TBX19: variants seen among roughly 807,000 people sequenced by gnomAD.
TBX19 encodes the protein T-box transcription factor 19.
TBX19 carries 33 observed loss-of-function variants against 40.9 expected under a neutral mutation model. The ratio of observed to expected loss-of-function variants is 0.81; its 90% CI spans 0.61 to 1.08. The LOEUF (loss-of-function observed/expected upper bound fraction) is 1.08, where lower values mean the gene tolerates loss of function less well. Ranked by LOEUF, TBX19 falls within the 50% of genes least tolerant of loss-of-function variation. TBX19 has a pLI of 0.00. For synonymous variants in TBX19, 220 were observed against 225.0 expected (o/e 0.98, Z 0.20); for missense variants, 494 against 574.0 (o/e 0.86, Z 1.42).
intron 3 of TBX19, 63 bp downstream of exon 3, chr1:168,293,341 A>T: frequency 2.0e-6 from 3 of 1,517,920 alleles, no homozygotes; most frequent in Non-Finnish European, 2.7e-6. Flanking sequence ...GTCACCTGGG[A>T]GATCATGGCA....
intron 7 of TBX19, among the ~76,000 whole-genome samples, chr1:168,312,360 C>T (rs1355075638): frequency 1.3e-5 from 2 of 152,178 alleles, no homozygotes; most frequent in African/African-American, 4.8e-5. Flanking sequence ...AGATCATATG[C>T]AGAAATCATA....
intron 5 of TBX19, among the ~76,000 whole-genome samples, chr1:168,303,244 A>G (rs539878687): frequency 1.3e-5 from 2 of 152,006 alleles, no homozygotes; most frequent in Admixed American, 6.5e-5. Flanking sequence ...TCCTGTGTCC[A>G]TGTGCTCTCA....
intron 1 of TBX19, among the ~76,000 whole-genome samples, chr1:168,285,279 AC>A (rs1200716142): frequency 3.8e-4 from 58 of 150,904 alleles, no homozygotes; most frequent in Non-Finnish European, 6.4e-4. Context: ...ACACACACAC[AC>A]ACACACACAC....
intron 5 of TBX19, 53 bp downstream of exon 5, chr1:168,300,536 G>C: frequency 3.9e-6 from 6 of 1,538,678 alleles, no homozygotes; most frequent in Middle Eastern, 1.7e-4. Flanking sequence ...CCTGGAGCCA[G>C]CTCCTTCCAC....
chr1:168,297,607 TG>T, intron 3 of TBX19, 116 bp from the exon 4 acceptor site: 1 of 903,298 alleles, frequency 1.1e-6, no homozygotes, highest in Non-Finnish European at 1.8e-6. Flanking sequence ...CCATCGTGCC[TG>T]GTGGGAAAGG....
Position 168,308,801 on chromosome 1 carries a change from A to G in TBX19, c.976A>G (p.Thr326Ala), listed in dbSNP as rs1649462992. The change falls in exon 7 of 8, where the codon ACT (threonine) becomes GCT (alanine). Residue 326 changes from threonine to alanine, a missense_variant. Coordinates refer to ENST00000367821, the MANE Select transcript of TBX19 (RefSeq NM_005149.3). ...LQVFSGPDSWTSLSSTPHASI... is the reference protein window; with the variant it reads ...LQVFSGPDSWASLSSTPHASI... The stretch of plus-strand genomic sequence containing the variant: ...AGTTTTCTCGGGACCTGACAGCTGG[A>G]CTTCCTTATCCTCCACACCCCATGC... The G allele has an allele frequency of 1.2e-6, 2 of 1,614,092 alleles. No individual in the cohort carries two copies. The highest frequency in any genetic ancestry group is 2.2e-5 in the East Asian group (1 of 44,866).
chr1:168,301,881 C>T (rs927523232), intron 5 of TBX19, among the ~76,000 whole-genome samples: 1 of 152,140 alleles, frequency 6.6e-6, no homozygotes, highest in Admixed American at 6.5e-5. Context: ...AAGAATTGCC[C>T]CCAGGCATGG....
Position 168,285,299 on chromosome 1 carries a change from A to C in TBX19, c.203+4006A>C, listed in dbSNP as rs867072368. ...CACACACACACACACACACACACACACCCCTCTAAAAGTTCTGATGAGTAT... is the reference window on the plus strand; with the variant it reads ...CACACACACACACACACACACACACCCCCCTCTAAAAGTTCTGATGAGTAT... On this transcript the variant is annotated intron_variant, in intron 1 of 7. Coordinates refer to ENST00000367821, the MANE Select transcript of TBX19 (RefSeq NM_005149.3). Among the ~76,000 whole-genome samples the C allele has an allele frequency of 1.1e-4, 14 of 132,480 alleles. No individual in the cohort carries two copies. The South Asian group carries it at 1.4e-3, about 14-fold the overall frequency. The allele number at this position is 132,480 out of a possible 152,430, so 86.9% of individuals were successfully genotyped here.
intron 1 of TBX19, 38 bp from the exon 2 acceptor site, chr1:168,291,122 C>G: frequency 6.2e-7 from 1 of 1,613,430 alleles, no homozygotes; most frequent in Non-Finnish European, 8.5e-7. Context: ...GTTCCTCTAA[C>G]GTCCCTCCTG....
At chr1:168,298,859 CTT>C (rs1649194057) in intron 4 of TBX19, among the ~76,000 whole-genome samples, 1 of 98,720 alleles carries the variant, frequency 1.0e-5, no homozygotes, top group Non-Finnish European at 1.8e-5. Flanking sequence ...TTCTTTCTTT[CTT>C]TCTTTCTTTC....
chr1:168,301,435 G>T (rs1340541337), intron 5 of TBX19, among the ~76,000 whole-genome samples: 1 of 152,076 alleles, frequency 6.6e-6, no homozygotes, highest in Non-Finnish European at 1.5e-5. Context: ...GCTAATTTTT[G>T]TATTTTTGGT....
chr1:168,293,032 C>T, intron 2 of TBX19, 112 bp from the exon 3 acceptor site: 4 of 1,571,078 alleles, frequency 2.5e-6, no homozygotes, highest in Non-Finnish European at 2.6e-6. Flanking sequence ...AAATGTGTGT[C>T]CCTAACCGGG....
intron 5 of TBX19, 67 bp downstream of exon 5, chr1:168,300,550 C>CA: frequency 6.9e-7 from 1 of 1,452,112 alleles, no homozygotes; most frequent in South Asian, 1.2e-5. Context: ...CTTCCACACT[C>CA]AGACTCTTTG....
intron 1 of TBX19, among the ~76,000 whole-genome samples, chr1:168,287,267 G>T (rs12758597): frequency 1.3e-5 from 2 of 152,054 alleles, no homozygotes; most frequent in Admixed American, 6.5e-5. Flanking sequence ...TAAATCTAAG[G>T]GCCATTGTAC....
intron 1 of TBX19, among the ~76,000 whole-genome samples, chr1:168,288,499 G>A (rs146693148): frequency 0.015 from 2,356 of 152,100 alleles, 52 homozygotes; most frequent in African/African-American, 0.053. Flanking sequence ...GAATTTGAAA[G>A]CAGCCTGGGC....
chr1:168,292,618 A>C lies in TBX19; in HGVS notation c.469-526A>C, dbSNP rs1648969333. 4.6e-5 allele frequency among the ~76,000 whole-genome samples: 7 copies of C among 152,090 alleles called. No homozygotes were observed. The South Asian group carries it at 1.5e-3, about 32-fold the overall frequency. ...GGTGGCTCGCGCCTGTAATCCCAGC[A>C]CTTTGGGAGGCCGAAGTGGGCGGAT... On this transcript the variant is annotated intron_variant, in intron 2 of 7. Transcript: ENST00000367821.
At chr1:168,284,438 G>T (rs1049445700) in intron 1 of TBX19, among the ~76,000 whole-genome samples, 49 of 152,146 alleles carry the variant, frequency 3.2e-4, no homozygotes, top group African/African-American at 1.1e-3. Flanking sequence ...ACTTTGGGAG[G>T]CTGAAGTGGG....
At chr1:168,302,550 C>G (rs1239373818) in intron 5 of TBX19, among the ~76,000 whole-genome samples, 1 of 152,066 alleles carries the variant, frequency 6.6e-6, no homozygotes, top group Non-Finnish European at 1.5e-5. Context: ...CAGTCTTTGC[C>G]CATAAACTCA....
intron 4 of TBX19, among the ~76,000 whole-genome samples, chr1:168,300,007 C>T (rs940969003): frequency 6.6e-6 from 1 of 152,078 alleles, no homozygotes; most frequent in Non-Finnish European, 1.5e-5. Flanking sequence ...TCCTCGAGAT[C>T]CACTTTTCTA....
Sources: allele counts gnomAD v4.1 joint callset (sites outside exome capture counted in the v4.1 genomes callset), GRCh38; gene constraint gnomAD v4.1.1; transcripts MANE v1.5; gene names NCBI Gene and HGNC (gene_info 2026-07-23, HGNC 2026-07-21).